PTPRN2: variants seen among roughly 807,000 people sequenced by gnomAD.
PTPRN2 encodes receptor-type tyrosine-protein phosphatase N2.
A neutral mutation model predicts 118.8 loss-of-function variants in PTPRN2; 74 were observed. The ratio of observed to expected loss-of-function variants is 0.62; its 90% confidence interval spans 0.52 to 0.76. The LOEUF is 0.76. PTPRN2 is among the 30% of genes least tolerant of loss of function. PTPRN2 has a pLI of 0.00. For missense variants in PTPRN2, 1,481 were observed against 1,394.4 expected (o/e 1.06, Z -0.99); for synonymous variants, 641 against 608.0 (o/e 1.05, Z -0.80).
At chr7:158,355,633 G>C (rs530757387) in intron 2 of PTPRN2, among the ~76,000 whole-genome samples, 2 of 152,322 alleles carry the variant, frequency 1.3e-5, no homozygotes, top group African/African-American at 4.8e-5. Context: ...CAGTGCAGAG[G>C]GATGTCCTTA....
At chr7:158,540,073 T>A (rs371091082) in intron 1 of PTPRN2, among the ~76,000 whole-genome samples, 2 of 152,158 alleles carry the variant, frequency 1.3e-5, no homozygotes, top group East Asian at 3.9e-4. Flanking sequence ...GCTGGTGCTG[T>A]GTGGTCTGGT....
chr7:157,612,239 G>A (rs932567223), intron 15 of PTPRN2, among the ~76,000 whole-genome samples: 6 of 152,228 alleles, frequency 3.9e-5, no homozygotes, highest in Admixed American at 1.3e-4. Flanking sequence ...GCGTGGCTGT[G>A]TGCGCTGGTG....
chr7:158,440,235 C>A (rs181792515), intron 2 of PTPRN2, among the ~76,000 whole-genome samples: 7 of 152,248 alleles, frequency 4.6e-5, no homozygotes, highest in African/African-American at 1.7e-4. Flanking sequence ...AAAGACTTGA[C>A]ATTCAGATAC....
At chr7:158,416,188 G>T (rs1386481724) in intron 2 of PTPRN2, among the ~76,000 whole-genome samples, 1 of 152,216 alleles carries the variant, frequency 6.6e-6, no homozygotes, top group African/African-American at 2.4e-5. Flanking sequence ...CTTCTGTGAA[G>T]GTCCACTTTG....
intron 1 of PTPRN2, among the ~76,000 whole-genome samples, chr7:158,505,595 G>T (rs902322621): frequency 2.0e-5 from 3 of 152,158 alleles, no homozygotes; most frequent in Admixed American, 6.5e-5. Context: ...TAATTTGAAA[G>T]CATGTATTTC....
chr7:158,341,610 C>T (rs1286798793), intron 2 of PTPRN2, among the ~76,000 whole-genome samples: 3 of 98,502 alleles, frequency 3.0e-5, no homozygotes, highest in South Asian at 4.3e-4. Flanking sequence ...ATCACTCACA[C>T]CCACACTCTC....
intron 5 of PTPRN2, among the ~76,000 whole-genome samples, chr7:158,171,695 A>C (rs1394028287): frequency 1.3e-5 from 2 of 152,126 alleles, no homozygotes; most frequent in Non-Finnish European, 2.9e-5. Context: ...CCACATCTCA[A>C]CTGAGGAGAA....
At chr7:157,985,375 C>G (rs1803698400) in intron 11 of PTPRN2, among the ~76,000 whole-genome samples, 1 of 152,196 alleles carries the variant, frequency 6.6e-6, no homozygotes, top group Non-Finnish European at 1.5e-5. Flanking sequence ...TTGGAGGAAG[C>G]CATTCTGTGT....
intron 3 of PTPRN2, among the ~76,000 whole-genome samples, chr7:158,291,195 G>A (rs1205854818): frequency 6.6e-6 from 1 of 152,180 alleles, no homozygotes; most frequent in South Asian, 2.1e-4. Context: ...TACTCACCAG[G>A]ATCAACCCAC....
chr7:158,205,754 A>G (rs984028357), intron 3 of PTPRN2, among the ~76,000 whole-genome samples: 2 of 152,174 alleles, frequency 1.3e-5, no homozygotes, highest in African/African-American at 4.8e-5. Context: ...TGTGCCCCAG[A>G]GAGAGAACGC....
At chr7:158,329,362 C>A (rs1366680972) in intron 2 of PTPRN2, among the ~76,000 whole-genome samples, 1 of 152,186 alleles carries the variant, frequency 6.6e-6, no homozygotes, top group African/African-American at 2.4e-5. Flanking sequence ...ATGCCTTAAA[C>A]CCCCACCCCA....
intron 3 of PTPRN2, among the ~76,000 whole-genome samples, chr7:158,304,908 G>A (rs1167021738): frequency 6.6e-6 from 1 of 152,238 alleles, no homozygotes; most frequent in Non-Finnish European, 1.5e-5. Flanking sequence ...TCTACAGAAT[G>A]TAGACATTTC....
chr7:158,249,609 G>T (rs1254905210), intron 3 of PTPRN2, among the ~76,000 whole-genome samples: 2 of 152,170 alleles, frequency 1.3e-5, no homozygotes, highest in Non-Finnish European at 2.9e-5. Context: ...CACCATACCT[G>T]TGAGTTGGAT....
chr7:158,183,326 C>T (rs776107949), intron 5 of PTPRN2, among the ~76,000 whole-genome samples: 2 of 152,220 alleles, frequency 1.3e-5, no homozygotes, highest in African/African-American at 2.4e-5. Context: ...TCCCAATCAT[C>T]ATGGAGACAG....
chr7:157,633,723 G>A (rs920586952), intron 14 of PTPRN2, among the ~76,000 whole-genome samples: 3 of 152,198 alleles, frequency 2.0e-5, no homozygotes, highest in Non-Finnish European at 2.9e-5. Flanking sequence ...GGAGCCCAGG[G>A]CAGGAGGGCG....
chr7:158,457,120 G>A (rs1403783830), intron 2 of PTPRN2, among the ~76,000 whole-genome samples: 1 of 152,102 alleles, frequency 6.6e-6, no homozygotes, highest in East Asian at 1.9e-4. Context: ...ACACAGCAAT[G>A]GCGCACGCAG....
intron 14 of PTPRN2, among the ~76,000 whole-genome samples, chr7:157,634,594 C>T (rs1183034930): frequency 6.6e-6 from 1 of 152,176 alleles, no homozygotes; most frequent in Non-Finnish European, 1.5e-5. Flanking sequence ...GTTGTCAATG[C>T]ATCGCGACCG....
chr7:158,090,177 A>C (rs141313568), intron 10 of PTPRN2, among the ~76,000 whole-genome samples: 39 of 103,716 alleles, frequency 3.8e-4, no homozygotes, highest in African/African-American at 1.0e-3. Context: ...TCTTCACACA[A>C]ACCCTTCCTC....
intron 10 of PTPRN2, among the ~76,000 whole-genome samples, chr7:158,101,128 T>C (rs962219218): frequency 5.9e-5 from 9 of 152,100 alleles, no homozygotes; most frequent in Non-Finnish European, 4.4e-5. Context: ...AACTATTCTA[T>C]AAGGCTATAG....
Sources: allele counts gnomAD v4.1 joint callset (sites outside exome capture counted in the v4.1 genomes callset), GRCh38; gene constraint gnomAD v4.1.1; transcripts MANE v1.5; gene names NCBI Gene and HGNC (gene_info 2026-07-23, HGNC 2026-07-21).